GNA12: variants seen among roughly 807,000 people sequenced by gnomAD.
The protein encoded by GNA12 is guanine nucleotide-binding protein subunit alpha-12.
GNA12 carries 9 observed loss-of-function variants against 26.0 expected under a neutral mutation model. The observed-to-expected ratio is 0.35, with a 90% CI of 0.21 to 0.60. The LOEUF (loss-of-function observed/expected upper bound fraction) is 0.60. Among genes scored for constraint, GNA12 ranks in the 20% least tolerant of loss-of-function variants. The probability of loss-of-function intolerance (pLI) is 0.78; values close to 1 mark genes in which losing one functional copy is unlikely to be tolerated. For missense variants in GNA12, 405 were observed against 525.8 expected, an observed-to-expected ratio of 0.77 and a Z score of 2.25; for synonymous variants, 264 against 219.6, an observed-to-expected ratio of 1.20 and a Z score of -1.79.
chr7:2,814,842 G>A lies in GNA12; in HGVS notation c.310-19699C>T, dbSNP rs779328343. 4.4e-6 allele frequency: 7 copies of A among 1,588,008 alleles called. No individual in the cohort carries two copies. The Admixed American group carries it at 6.9e-5, about 16-fold the overall frequency. Reference sequence around the variant, plus strand: ...CCTTCCTGTGCTCCCGACAGCACCGGGTGTGCACTGCTCCCCTCCACAGCA... The same window carrying A: ...CCTTCCTGTGCTCCCGACAGCACCGAGTGTGCACTGCTCCCCTCCACAGCA... On this transcript the variant is annotated intron_variant, in intron 1 of 3. Coordinates refer to ENST00000275364, the MANE Select transcript of GNA12 (RefSeq NM_007353.3).
intron 1 of GNA12, among the ~76,000 whole-genome samples, chr7:2,819,032 A>G (rs1037299247): frequency 3.3e-5 from 5 of 152,166 alleles, no homozygotes; most frequent in Non-Finnish European, 7.3e-5. Context: ...CTGAGCTTAA[A>G]ATAGGGCGAT....
intron 2 of GNA12, among the ~76,000 whole-genome samples, chr7:2,748,798 TCAAA>T (rs1305581121): frequency 6.6e-6 from 1 of 151,698 alleles, no homozygotes; most frequent in East Asian, 1.9e-4. Flanking sequence ...TACAATGAAC[TCAAA>T]CAAATTTACA....
intron 2 of GNA12, among the ~76,000 whole-genome samples, chr7:2,744,864 T>C (rs1583225552): frequency 6.6e-6 from 1 of 152,020 alleles, no homozygotes; most frequent in South Asian, 2.1e-4. Context: ...GAGAACTACC[T>C]GAGGAATGCA....
chr7:2,785,477 G>A (rs150512677), intron 2 of GNA12, among the ~76,000 whole-genome samples: 82 of 152,216 alleles, frequency 5.4e-4, no homozygotes, highest in African/African-American at 1.9e-3. Flanking sequence ...GGTTAAAAAC[G>A]GTCACACATA....
At chr7:2,825,953 C>T (rs147823710) in intron 1 of GNA12, among the ~76,000 whole-genome samples, 24 of 152,240 alleles carry the variant, frequency 1.6e-4, no homozygotes, top group African/African-American at 2.4e-4. Flanking sequence ...TGCCATTCCT[C>T]ACCTCTTAGG....
At chr7:2,762,919 G>C in intron 2 of GNA12, 1 of 1,411,320 alleles carries the variant, frequency 7.1e-7, no homozygotes, top group Non-Finnish European at 9.3e-7. Flanking sequence ...GAGGCCACAG[G>C]CGGGGACGCC....
At chr7:2,822,822 G>T (rs932016048) in intron 1 of GNA12, among the ~76,000 whole-genome samples, 5 of 152,158 alleles carry the variant, frequency 3.3e-5, no homozygotes, top group African/African-American at 7.2e-5. Flanking sequence ...CAAAAGAAAA[G>T]AAAGATTTAA....
intron 2 of GNA12, among the ~76,000 whole-genome samples, chr7:2,780,051 C>CACAT (rs1554259631): frequency 1.4e-4 from 9 of 62,212 alleles, no homozygotes; most frequent in Admixed American, 3.8e-4. Flanking sequence ...TTTCTGTGTA[C>CACAT]ATATATATAT....
intron 1 of GNA12, among the ~76,000 whole-genome samples, chr7:2,801,258 T>C (rs1792802633): frequency 6.6e-6 from 1 of 152,154 alleles, no homozygotes; most frequent in African/African-American, 2.4e-5. Context: ...GGTGCTATTT[T>C]TACAAATGAA....
chr7:2,782,658 T>C (rs1449773688), intron 2 of GNA12, among the ~76,000 whole-genome samples: 1 of 145,350 alleles, frequency 6.9e-6, no homozygotes, highest in Non-Finnish European at 1.5e-5. Context: ...AGTGTTTTGG[T>C]TTTTTTTTTT....
At chr7:2,784,140 C>A (rs1264839984) in intron 2 of GNA12, among the ~76,000 whole-genome samples, 1 of 152,008 alleles carries the variant, frequency 6.6e-6, no homozygotes, top group African/African-American at 2.4e-5. Flanking sequence ...TATTTTGACA[C>A]AGGGTCTTGC....
intron 2 of GNA12, among the ~76,000 whole-genome samples, chr7:2,743,967 G>A (rs1790637467): frequency 6.6e-6 from 1 of 152,174 alleles, no homozygotes; most frequent in African/African-American, 2.4e-5. Flanking sequence ...CAGCGAGGCT[G>A]GGGGAGGGGT....
At chr7:2,781,624 G>C (rs1393603121) in intron 2 of GNA12, among the ~76,000 whole-genome samples, 1 of 152,134 alleles carries the variant, frequency 6.6e-6, no homozygotes, top group Non-Finnish European at 1.5e-5. Context: ...TTCAGGCTTT[G>C]TGGGTCTAAA....
intron 1 of GNA12, among the ~76,000 whole-genome samples, chr7:2,839,365 G>A (rs1238157251): frequency 6.6e-6 from 1 of 151,982 alleles, no homozygotes; most frequent in Non-Finnish European, 1.5e-5. Flanking sequence ...CCAGGTTCAA[G>A]TGTGCACCAC....
chr7:2,819,947 A>G (rs918054375), intron 1 of GNA12, among the ~76,000 whole-genome samples: 2 of 152,228 alleles, frequency 1.3e-5, no homozygotes, highest in African/African-American at 2.4e-5. Context: ...AACATCATTC[A>G]TAACACACAA....
chr7:2,780,093 T>TATGA (rs57390413), intron 2 of GNA12, among the ~76,000 whole-genome samples: 3 of 130,136 alleles, frequency 2.3e-5, no homozygotes, highest in African/African-American at 9.0e-5. Context: ...TATATATATA[T>TATGA]GCCTGTTTTC....
At chr7:2,796,168 AC>A (rs1792667885) in intron 1 of GNA12, among the ~76,000 whole-genome samples, 1 of 151,988 alleles carries the variant, frequency 6.6e-6, no homozygotes, top group African/African-American at 2.4e-5. Context: ...AGTAGCCTCC[AC>A]CCCTTATCCG....
At chr7:2,773,423 G>T (rs539720524) in intron 2 of GNA12, among the ~76,000 whole-genome samples, 1 of 152,268 alleles carries the variant, frequency 6.6e-6, no homozygotes, top group East Asian at 1.9e-4. Context: ...TTAGCCAGGC[G>T]TGGTGGTGGG....
intron 1 of GNA12, among the ~76,000 whole-genome samples, chr7:2,812,470 A>C (rs1442707120): frequency 6.6e-6 from 1 of 152,142 alleles, no homozygotes; most frequent in Non-Finnish European, 1.5e-5. Context: ...TCTCTACTAA[A>C]AATACAAAAT....
Sources: allele counts gnomAD v4.1 joint callset (sites outside exome capture counted in the v4.1 genomes callset), GRCh38; gene constraint gnomAD v4.1.1; transcripts MANE v1.5; gene names NCBI Gene and HGNC (gene_info 2026-07-23, HGNC 2026-07-21).